The following TNR variants were observed in gnomAD, a reference collection of about 807,000 sequenced individuals.
The protein encoded by TNR is tenascin-R.
TNR carries 45 observed loss-of-function variants against 150.4 expected under a neutral mutation model. The observed-to-expected ratio is 0.30, with a 90% CI of 0.24 to 0.38. The LOEUF (loss-of-function observed/expected upper bound fraction) is 0.38, where lower values mean the gene tolerates loss of function less well. Ranked by LOEUF, TNR falls within the 10% of genes least tolerant of loss-of-function variation. TNR has a pLI of 1.00. For missense variants in TNR, 1,544 were observed against 1,759.1 expected (o/e 0.88, Z 2.19); for synonymous variants, 687 against 678.4 (o/e 1.01, Z -0.20).
chr1:175,393,945 G>T, intron 5 of TNR, 50 bp from the exon 6 acceptor site: 1 of 1,404,662 alleles, frequency 7.1e-7, no homozygotes, highest in Non-Finnish European at 1.0e-6. Flanking sequence ...CCTTGGGACA[G>T]ACAGCATTGC....
intron 1 of TNR, among the ~76,000 whole-genome samples, chr1:175,531,144 G>A (rs907507871): frequency 2.6e-5 from 4 of 152,142 alleles, no homozygotes; most frequent in African/African-American, 7.2e-5. Context: ...TTATTTAAAC[G>A]GGTTTCCAAC....
intron 1 of TNR, among the ~76,000 whole-genome samples, chr1:175,690,307 G>A (rs1055417484): frequency 6.6e-6 from 1 of 152,212 alleles, no homozygotes; most frequent in African/African-American, 2.4e-5. Context: ...GACATCATAA[G>A]AGAATCAACA....
intron 21 of TNR, among the ~76,000 whole-genome samples, chr1:175,328,328 G>A (rs977060236): frequency 6.6e-6 from 1 of 152,164 alleles, no homozygotes; most frequent in African/African-American, 2.4e-5. Flanking sequence ...GATCCAAGTA[G>A]CATCCTAGAG....
intron 2 of TNR, among the ~76,000 whole-genome samples, chr1:175,428,296 G>A (rs554470750): frequency 2.6e-5 from 4 of 152,238 alleles, no homozygotes; most frequent in African/African-American, 4.8e-5. Flanking sequence ...TAGAGGCTGC[G>A]TATCCCTGTA....
intron 2 of TNR, among the ~76,000 whole-genome samples, chr1:175,409,756 G>A (rs1348059130): frequency 6.8e-6 from 1 of 146,128 alleles, no homozygotes; most frequent in East Asian, 2.1e-4. Context: ...GACTCAGGGG[G>A]TACATTTATT....
chr1:175,426,310 C>T (rs984160815), intron 2 of TNR, among the ~76,000 whole-genome samples: 5 of 152,124 alleles, frequency 3.3e-5, no homozygotes, highest in Non-Finnish European at 7.4e-5. Context: ...TTGCTTCTTG[C>T]TCCTGGGATA....
At chr1:175,438,328 AC>A (rs1411177392) in intron 2 of TNR, among the ~76,000 whole-genome samples, 2 of 152,176 alleles carry the variant, frequency 1.3e-5, no homozygotes, top group African/African-American at 2.4e-5. Context: ...AAATTCAACA[AC>A]CCTTCGTGCT....
intron 2 of TNR, among the ~76,000 whole-genome samples, chr1:175,437,044 A>T (rs980177413): frequency 6.6e-6 from 1 of 152,194 alleles, no homozygotes; most frequent in Non-Finnish European, 1.5e-5. Context: ...ACATCTACAG[A>T]ACTCTCCACC....
At chr1:175,450,251 GA>G (rs1656241639) in intron 2 of TNR, among the ~76,000 whole-genome samples, 1 of 152,126 alleles carries the variant, frequency 6.6e-6, no homozygotes, top group Non-Finnish European at 1.5e-5. Context: ...ATGGTCTCTG[GA>G]TTCAGCAGGG....
intron 1 of TNR, among the ~76,000 whole-genome samples, chr1:175,724,374 C>G (rs1667421864): frequency 6.6e-6 from 1 of 152,150 alleles, no homozygotes. Context: ...CTACATACTT[C>G]TAAACAATCA....
At chr1:175,398,858 T>C (rs1390928511) in intron 4 of TNR, among the ~76,000 whole-genome samples, 1 of 152,176 alleles carries the variant, frequency 6.6e-6, no homozygotes, top group Non-Finnish European at 1.5e-5. Context: ...TAAAAAAATA[T>C]TTAGTAGCAG....
At chr1:175,683,204 T>C (rs1666092501) in intron 1 of TNR, among the ~76,000 whole-genome samples, 1 of 152,106 alleles carries the variant, frequency 6.6e-6, no homozygotes, top group Non-Finnish European at 1.5e-5. Flanking sequence ...TAACTGTGCA[T>C]GCACACACAC....
At chr1:175,601,420 T>A (rs546643255) in intron 1 of TNR, among the ~76,000 whole-genome samples, 3 of 152,348 alleles carry the variant, frequency 2.0e-5, no homozygotes, top group Admixed American at 2.0e-4. Flanking sequence ...CTTCTAGTCA[T>A]CATGGCAGAA....
At position 175,335,782 on chromosome 1, in the gene TNR, T is replaced by C. The variant is rs376896107; in HGVS notation, c.3560A>G (p.Gln1187Arg). The change falls in exon 20 of 23, where the codon CAA (glutamine) becomes CGA (arginine). Residue 1187 changes from glutamine to arginine, a missense_variant. Coordinates refer to ENST00000367674, the MANE Select transcript of TNR (RefSeq NM_003285.3). ...WIVFQRRQNG[Q>R]TDFFRKWADY... ...AGCCCATTTCCGGAAAAAATCAGTT[T>C]GGCCATTCTGCCGCCTCTGGAATAC... is the stretch of plus-strand genomic sequence containing the variant. The C allele has an allele frequency of 4.3e-6, 7 of 1,613,884 alleles. No individual in the cohort carries two copies. The African/African-American group carries it at 8.0e-5, about 18-fold the overall frequency.
intron 2 of TNR, among the ~76,000 whole-genome samples, chr1:175,443,200 C>T (rs1030204962): frequency 2.0e-5 from 3 of 152,156 alleles, no homozygotes; most frequent in Non-Finnish European, 4.4e-5. Context: ...AATAGAAAAG[C>T]TGTGCCCTTT....
intron 21 of TNR, among the ~76,000 whole-genome samples, chr1:175,325,700 G>A (rs1649341080): frequency 6.6e-6 from 1 of 152,208 alleles, no homozygotes; most frequent in Non-Finnish European, 1.5e-5. Flanking sequence ...AAAAAAGAAT[G>A]AGTTCATGTC....
chr1:175,333,765 G>A (rs1650070243), intron 20 of TNR, among the ~76,000 whole-genome samples: 1 of 152,210 alleles, frequency 6.6e-6, no homozygotes, highest in African/African-American at 2.4e-5. Context: ...AAAAGAAGGA[G>A]TGGCCACTTC....
At chr1:175,563,053 G>A (rs1661493937) in intron 1 of TNR, among the ~76,000 whole-genome samples, 1 of 152,212 alleles carries the variant, frequency 6.6e-6, no homozygotes, top group Non-Finnish European at 1.5e-5. Context: ...GCAAGGCAAT[G>A]TATTTGTCCA....
At chr1:175,467,044 G>C (rs1427646760) in intron 2 of TNR, among the ~76,000 whole-genome samples, 1 of 152,062 alleles carries the variant, frequency 6.6e-6, no homozygotes, top group Non-Finnish European at 1.5e-5. Context: ...TGATTAATAG[G>C]CCTGGCATAT....
Sources: gnomAD v4.1 joint callset for allele counts (sites outside exome capture counted in the v4.1 genomes callset) on GRCh38, gnomAD v4.1.1 for gene constraint, MANE v1.5 for transcripts, NCBI Gene and HGNC (gene_info 2026-07-23, HGNC 2026-07-21) for gene names.